PCDHGB1: variants seen among roughly 807,000 people sequenced by gnomAD.
PCDHGB1 encodes the protein protocadherin gamma-B1.
A neutral mutation model predicts 56.6 loss-of-function variants in PCDHGB1; 34 were observed. The observed-to-expected ratio is 0.60, with a 90% CI of 0.46 to 0.80. The LOEUF (loss-of-function observed/expected upper bound fraction) is 0.80. Among genes scored for constraint, PCDHGB1 ranks in the 30% least tolerant of loss-of-function variants. The pLI is 0.00. For missense variants in PCDHGB1, 1,278 were observed against 1,204.6 expected, an observed-to-expected ratio of 1.06 and a Z score of -0.90; for synonymous variants, 561 against 505.9, an observed-to-expected ratio of 1.11 and a Z score of -1.46.
chr5:141,410,628 T>G (rs758174899), intron 1 of PCDHGB1: 1 of 1,602,040 alleles, frequency 6.2e-7, no homozygotes, highest in South Asian at 1.1e-5. Context: ...TCGGTGAGTT[T>G]CTCTTTTTTG....
At chr5:141,437,187 G>A (rs1055878763) in intron 1 of PCDHGB1, among the ~76,000 whole-genome samples, 1 of 152,148 alleles carries the variant, frequency 6.6e-6, no homozygotes, top group Non-Finnish European at 1.5e-5. Context: ...ACTGGGCAAT[G>A]GGTTTGGATG....
At chr5:141,450,829 A>ATTTTT (rs373424450) in intron 1 of PCDHGB1, among the ~76,000 whole-genome samples, 3 of 135,122 alleles carry the variant, frequency 2.2e-5, no homozygotes, top group Admixed American at 7.6e-5. Flanking sequence ...TATTATTATT[A>ATTTTT]TTTTTTTTTT....
At chr5:141,385,964 C>T (rs1037246180) in intron 1 of PCDHGB1, 2 of 152,126 alleles carry the variant, frequency 1.3e-5, no homozygotes, top group South Asian at 2.1e-4. Context: ...TAAAGGCCAT[C>T]GGACAAAACC....
chr5:141,376,095 T>A, intron 1 of PCDHGB1: 10 of 1,613,628 alleles, frequency 6.2e-6, no homozygotes, highest in Non-Finnish European at 8.5e-6. Flanking sequence ...ATCCCCGACA[T>A]CCTGGCCGAC....
At chr5:141,384,734 G>T (rs1780422653) in intron 1 of PCDHGB1, 1 of 1,613,988 alleles carries the variant, frequency 6.2e-7, no homozygotes. Flanking sequence ...CTTAAGGCCA[G>T]CGAGCCAGGA....
intron 1 of PCDHGB1, chr5:141,393,026 G>A (rs1215893899): frequency 1.2e-6 from 2 of 1,613,832 alleles, no homozygotes; most frequent in East Asian, 4.5e-5. Context: ...CCAGAGGTAG[G>A]ACGCAGCTCT....
chr5:141,375,769 C>T, intron 1 of PCDHGB1: 1 of 1,614,238 alleles, frequency 6.2e-7, no homozygotes, highest in Non-Finnish European at 8.5e-7. Flanking sequence ...CGCCCGAGAT[C>T]CTGTACCCCG....
rs374995933 is a variant in PCDHGB1 at position 141,371,810 on chromosome 5, G to T, written c.2409+19141G>T. 1,100 of 1,613,756 alleles carry T rather than the reference G, an allele frequency of 6.8e-4. 2 individuals carry two copies. Among genetic ancestry groups the T allele is most frequent in the Non-Finnish European group, 9.0e-4 (1,060 of 1,179,898 alleles). On this transcript the variant is annotated intron_variant, in intron 1 of 3. Transcript: ENST00000523390. ...ACAATCCGCCTGGAGCCTCCATTGC[G>T]CATGTCAGAGCCTCGGATCCCGACT...
chr5:141,372,172 C>T (rs1474578874), intron 1 of PCDHGB1: 17 of 1,613,604 alleles, frequency 1.1e-5, no homozygotes, highest in African/African-American at 4.0e-5. Context: ...AAGGTGGTGG[C>T]GGTGGACGCA....
At chr5:141,413,407 CT>C (rs758693256) in intron 1 of PCDHGB1, 3 of 1,613,926 alleles carry the variant, frequency 1.9e-6, no homozygotes, top group Non-Finnish European at 2.5e-6. Flanking sequence ...TAGGACGCAG[CT>C]TTTCTCTCTG....
At chr5:141,404,347 C>T (rs1451476815) in intron 1 of PCDHGB1, 6 of 1,613,796 alleles carry the variant, frequency 3.7e-6, no homozygotes, top group African/African-American at 2.7e-5. Context: ...CGGAAAACAA[C>T]GCCAGAGGTA....
At chr5:141,460,459 T>A (rs2098989808) in intron 1 of PCDHGB1, among the ~76,000 whole-genome samples, 1 of 152,176 alleles carries the variant, frequency 6.6e-6, no homozygotes, top group South Asian at 2.1e-4. Flanking sequence ...ATTCATATTT[T>A]TTTCCAAAGG....
intron 1 of PCDHGB1, chr5:141,356,347 A>C (rs1480466141): frequency 7.7e-6 from 12 of 1,555,580 alleles, no homozygotes; most frequent in Admixed American, 2.0e-5. Context: ...TGGCCTAGTC[A>C]CATGTTCTAT....
chr5:141,481,691 C>G (rs929210528), intron 1 of PCDHGB1, among the ~76,000 whole-genome samples: 3 of 152,080 alleles, frequency 2.0e-5, no homozygotes, highest in African/African-American at 4.8e-5. Context: ...TGGTGGCTCA[C>G]GCCTGTAATC....
chr5:141,374,798 A>C (rs1471175480), intron 1 of PCDHGB1: 3 of 1,613,784 alleles, frequency 1.9e-6, no homozygotes, highest in Non-Finnish European at 2.5e-6. Context: ...GAATGACAAC[A>C]CTCCAATGTT....
rs556484142 is a variant in PCDHGB1 at position 141,503,243 on chromosome 5, CA to C, written c.2469-2149del. On this transcript the variant is annotated intron_variant, in intron 2 of 3. Coordinates refer to ENST00000523390, the MANE Select transcript of PCDHGB1 (RefSeq NM_018922.3). ...CACCGTAAAGATGGACAGTTTCTAT[CA>C]TACTCACAGCCACAACCCCAGCACC... Among the ~76,000 whole-genome samples, 232 of 152,196 alleles carry C rather than the reference CA, an allele frequency of 1.5e-3. 2 individuals carry two copies. Among genetic ancestry groups the C allele is most frequent in the African/African-American group, 5.3e-3 (219 of 41,516 alleles).
At position 141,394,450 on chromosome 5, in the gene PCDHGB1, T is replaced by A. The variant is rs188283892; in HGVS notation, c.2409+41781T>A. Reference sequence around the variant, plus strand: ...GGGGACCCGCCCCTCAGCAGCAACATGTCACTGAGCCTGTTCGTGCTGGAC... The same window carrying A: ...GGGGACCCGCCCCTCAGCAGCAACAAGTCACTGAGCCTGTTCGTGCTGGAC... On this transcript the variant is annotated intron_variant, in intron 1 of 3. Transcript: ENST00000523390. 92 of 1,614,228 alleles carry A rather than the reference T, an allele frequency of 5.7e-5. No individual in the cohort carries two copies. The East Asian group carries it at 1.9e-3, about 34-fold the overall frequency.
intron 1 of PCDHGB1, among the ~76,000 whole-genome samples, chr5:141,364,017 G>C (rs535899523): frequency 1.3e-5 from 2 of 152,304 alleles, no homozygotes; most frequent in South Asian, 2.1e-4. Context: ...ACGCTACACA[G>C]TTAAACATTA....
chr5:141,453,560 G>A (rs1230229107), intron 1 of PCDHGB1, among the ~76,000 whole-genome samples: 3 of 151,968 alleles, frequency 2.0e-5, no homozygotes, highest in Admixed American at 6.6e-5. Flanking sequence ...GTAGATAATC[G>A]ATTTCATTAG....
Sources: gnomAD v4.1 joint callset for allele counts (sites outside exome capture counted in the v4.1 genomes callset) on GRCh38, gnomAD v4.1.1 for gene constraint, MANE v1.5 for transcripts, NCBI Gene and HGNC (gene_info 2026-07-23, HGNC 2026-07-21) for gene names.